HACE1: variants seen among roughly 807,000 people sequenced by gnomAD.
The protein encoded by HACE1 is HECT domain and ankyrin repeat containing E3 ubiquitin protein ligase 1, also known as E3 ubiquitin-protein ligase HACE1.
In HACE1, 73 loss-of-function variants were observed where a neutral mutation model predicts 118.4. The observed-to-expected ratio is 0.62, with a 90% CI of 0.51 to 0.75. The LOEUF (loss-of-function observed/expected upper bound fraction) is 0.75. Ranked by LOEUF, HACE1 falls within the 30% of genes least tolerant of loss-of-function variation. HACE1 has a pLI of 0.00. For missense variants in HACE1, 749 were observed against 1,102.2 expected, an observed-to-expected ratio of 0.68 and a Z score of 4.54; for synonymous variants, 368 against 374.8, an observed-to-expected ratio of 0.98 and a Z score of 0.21.
chr6:104,741,494 C>A (rs2114484024), intron 22 of HACE1, among the ~76,000 whole-genome samples: 1 of 132,702 alleles, frequency 7.5e-6, no homozygotes, highest in South Asian at 2.5e-4. Context: ...GCAAAAATCA[C>A]AAGCATTCTT....
chr6:104,857,653 C>CA (rs781772022), intron 1 of HACE1, among the ~76,000 whole-genome samples: 4,433 of 127,406 alleles, frequency 0.035, 163 homozygotes, highest in African/African-American at 0.11. Flanking sequence ...TTGAAGAATA[C>CA]AAAAAAAAAA....
intron 11 of HACE1, chr6:104,786,269 AGG>A (rs1344405138): frequency 6.6e-6 from 1 of 150,928 alleles, no homozygotes; most frequent in African/African-American, 2.4e-5. Flanking sequence ...TGAACCCAGG[AGG>A]CAGAGGTTGC....
Position 104,859,653 on chromosome 6 carries a change from C to CCCTCCGCGAT in HACE1, c.-21_-12dup, listed in dbSNP as rs750235571. The CCCTCCGCGAT allele has an allele frequency of 4.8e-5, 73 of 1,530,900 alleles. No homozygotes were observed. In the Middle Eastern group the frequency reaches 8.7e-4, roughly 18 times the overall value. 94.8% of individuals were successfully genotyped at this position (1,530,900 alleles called of 1,614,324 possible). ...CATCGCTCTCTCCATCCTCGGCGCG[C>CCCTCCGCGAT]CCTCCGCGATCCTCCGCGATCAGCC... On this transcript the variant is annotated 5_prime_UTR_variant, in exon 1 of 24. Coordinates refer to ENST00000262903, the MANE Select transcript of HACE1 (RefSeq NM_020771.4).
chr6:104,809,738 G>T (rs977593628), intron 7 of HACE1, among the ~76,000 whole-genome samples: 2 of 150,914 alleles, frequency 1.3e-5, no homozygotes, highest in Admixed American at 1.3e-4. Context: ...GGAGACCAGT[G>T]AAGAGATTAC....
intron 11 of HACE1, chr6:104,787,206 A>T (rs901639640): frequency 6.6e-6 from 1 of 152,218 alleles, no homozygotes; most frequent in Non-Finnish European, 1.5e-5. Flanking sequence ...AGTACTATGC[A>T]CTAGGTAGTC....
At position 104,784,424 on chromosome 6, in the gene HACE1, CA is replaced by C; in HGVS notation, c.1470del (p.Phe490LeufsTer22). 6.2e-7 allele frequency: 1 copy of C among 1,607,920 alleles called. No individual in the cohort carries two copies. Among genetic ancestry groups the C allele is most frequent in the Non-Finnish European group, 8.5e-7 (1 of 1,174,616 alleles). ...CAAACCCAGAAAGCTTACCTATTAACAAAGCATTTTAAAACTTCATCATGTT... is the reference window on the plus strand; with the variant it reads ...CAAACCCAGAAAGCTTACCTATTAACAAGCATTTTAAAACTTCATCATGTT... ...VCKHDEVLKC[F>X]VNRNPKIIFD... On this transcript the variant is annotated frameshift_variant, in exon 13 of 24. Coordinates refer to ENST00000262903, the MANE Select transcript of HACE1 (RefSeq NM_020771.4). LOFTEE classifies it high-confidence loss of function.
At chr6:104,750,652 C>T (rs1246331663) in intron 19 of HACE1, among the ~76,000 whole-genome samples, 180 bp from the exon 20 acceptor site, 2 of 152,072 alleles carry the variant, frequency 1.3e-5, no homozygotes, top group Admixed American at 6.6e-5. Flanking sequence ...ATTCCAGGGA[C>T]TCAATCATCC....
At chr6:104,848,430 T>C (rs552614600) in intron 4 of HACE1, among the ~76,000 whole-genome samples, 28 of 148,222 alleles carry the variant, frequency 1.9e-4, no homozygotes, top group African/African-American at 7.0e-4. Context: ...CACTCCAGCC[T>C]GGTGACGGAG....
intron 6 of HACE1, among the ~76,000 whole-genome samples, chr6:104,817,961 T>C (rs902693902): frequency 1.3e-5 from 2 of 152,168 alleles, no homozygotes; most frequent in Non-Finnish European, 2.9e-5. Context: ...AGGAAAAGTT[T>C]AGAAAGTTGA....
chr6:104,844,750 C>T lies in HACE1; in HGVS notation c.327-1452G>A, dbSNP rs531495382. Among the ~76,000 whole-genome samples the T allele has an allele frequency of 4.8e-4, 73 of 151,702 alleles. 1 individual carries two copies. In the South Asian group the frequency reaches 0.015, roughly 31 times the overall value. On this transcript the variant is annotated intron_variant, in intron 4 of 23. Coordinates refer to ENST00000262903, the MANE Select transcript of HACE1 (RefSeq NM_020771.4). ...CAATTTAGGCTCACTGCAACCTCTG[C>T]CTCCTGGGTTCAAGCAATTCTCCTG...
intron 22 of HACE1, among the ~76,000 whole-genome samples, chr6:104,736,345 T>G (rs1582572027): frequency 2.0e-5 from 3 of 152,198 alleles, no homozygotes; most frequent in African/African-American, 4.8e-5. Context: ...AGTGCAGTGG[T>G]GCAATCTCGG....
chr6:104,752,325 G>A (rs569193442), intron 19 of HACE1, among the ~76,000 whole-genome samples: 98 of 152,164 alleles, frequency 6.4e-4, no homozygotes, highest in African/African-American at 1.9e-3. Flanking sequence ...AGTCCAACCC[G>A]GGAAATAACA....
Position 104,752,822 on chromosome 6 carries a change from A to G in HACE1, c.2212-2350T>C, listed in dbSNP as rs186514198. On this transcript the variant is annotated intron_variant, in intron 19 of 23. Transcript: ENST00000262903. ...TTAATATTTATTATTTTCCACATGTATTTCAGTAACCCAGTTCATAGTTAT... is the reference window on the plus strand; with the variant it reads ...TTAATATTTATTATTTTCCACATGTGTTTCAGTAACCCAGTTCATAGTTAT... 4.8e-3 allele frequency among the ~76,000 whole-genome samples: 727 copies of G among 152,176 alleles called. 1 individual carries two copies. Among genetic ancestry groups the G allele is most frequent in the Non-Finnish European group, 8.5e-3 (577 of 68,000 alleles).
chr6:104,857,481 T>C (rs1776842701), intron 1 of HACE1, among the ~76,000 whole-genome samples: 2 of 151,964 alleles, frequency 1.3e-5, no homozygotes, highest in East Asian at 3.9e-4. Flanking sequence ...CTTAGAAATG[T>C]ATTGTAGATA....
intron 22 of HACE1, among the ~76,000 whole-genome samples, chr6:104,737,806 C>G (rs547655649): frequency 1.2e-4 from 18 of 152,320 alleles, no homozygotes; most frequent in East Asian, 1.2e-3. Context: ...CGGGGAAGCC[C>G]GAACTGGGTG....
At chr6:104,793,059 G>C (rs1238915199) in intron 10 of HACE1, among the ~76,000 whole-genome samples, 1 of 151,866 alleles carries the variant, frequency 6.6e-6, no homozygotes, top group African/African-American at 2.4e-5. Flanking sequence ...ACGAGGTCAG[G>C]AGATCGAGAC....
chr6:104,744,408 C>A (rs1218438782), intron 21 of HACE1, 104 bp downstream of exon 21: 8 of 837,116 alleles, frequency 9.6e-6, no homozygotes, highest in Non-Finnish European at 1.5e-5. Context: ...TGGGTAAACA[C>A]TTTACTTTGT....
chr6:104,849,396 G>A (rs1775962731), intron 3 of HACE1, 150 bp from the exon 4 acceptor site: 3 of 679,078 alleles, frequency 4.4e-6, no homozygotes, highest in Admixed American at 2.0e-5. Flanking sequence ...GAGTGCAGTG[G>A]CACCATCACA....
At position 104,777,004 on chromosome 6, in the gene HACE1, T is replaced by A. The variant is rs375858971; in HGVS notation, c.1776+9A>T. ...CAGTGATTTCTACATCATCTTCTTT[T>A]ATACCCACCATGCCTTCTTCTCCAT... On this transcript the variant is annotated intron_variant, in intron 16 of 23. Transcript: ENST00000262903. 19 of 1,569,296 alleles carry A rather than the reference T, an allele frequency of 1.2e-5. No homozygotes were observed. Among genetic ancestry groups the A allele is most frequent in the Non-Finnish European group, 1.7e-5 (19 of 1,139,974 alleles).
Sources: gnomAD v4.1 joint callset for allele counts (sites outside exome capture counted in the v4.1 genomes callset) on GRCh38, gnomAD v4.1.1 for gene constraint, MANE v1.5 for transcripts, NCBI Gene and HGNC (gene_info 2026-07-23, HGNC 2026-07-21) for gene names.